ZHX3: variants seen among roughly 807,000 people sequenced by gnomAD.
ZHX3 encodes the protein zinc fingers and homeoboxes 3.
Under a neutral mutation model 64.5 loss-of-function variants are expected in ZHX3, and 20 were observed. The ratio of observed to expected loss-of-function variants is 0.31; its 90% CI spans 0.22 to 0.45. The LOEUF (loss-of-function observed/expected upper bound fraction) is 0.45. Ranked by LOEUF, ZHX3 falls within the 20% of genes least tolerant of loss-of-function variation. The pLI, the probability that ZHX3 is intolerant of heterozygous loss-of-function variation, is 1.00. For synonymous variants in ZHX3, 423 were observed against 461.6 expected, an observed-to-expected ratio of 0.92 and a Z score of 1.07; for missense variants, 1,041 against 1,195.8, an observed-to-expected ratio of 0.87 and a Z score of 1.91.
At chr20:41,290,807 G>GTC (rs1219105653) in intron 1 of ZHX3, among the ~76,000 whole-genome samples, 2 of 152,144 alleles carry the variant, frequency 1.3e-5, no homozygotes, top group Non-Finnish European at 2.9e-5. Flanking sequence ...CAGCTTCAAG[G>GTC]TCTAAATGAT....
chr20:41,235,912 C>T (rs1303505155), intron 2 of ZHX3, among the ~76,000 whole-genome samples: 1 of 152,190 alleles, frequency 6.6e-6, no homozygotes, highest in Non-Finnish European at 1.5e-5. Flanking sequence ...TGATAAGCAA[C>T]TTCAGCAAAG....
chr20:41,298,583 G>C (rs146833419), intron 1 of ZHX3, among the ~76,000 whole-genome samples: 2 of 152,342 alleles, frequency 1.3e-5, no homozygotes, highest in African/African-American at 4.8e-5. Flanking sequence ...ATGCTAGTAA[G>C]ATCACTGAGC....
chr20:41,261,245 T>A (rs1434451001), intron 2 of ZHX3, among the ~76,000 whole-genome samples: 1 of 152,136 alleles, frequency 6.6e-6, no homozygotes, highest in Non-Finnish European at 1.5e-5. Context: ...TAGAGTTATT[T>A]TTTATTTTTT....
At chr20:41,287,204 T>C (rs1362019922) in intron 1 of ZHX3, among the ~76,000 whole-genome samples, 3 of 152,300 alleles carry the variant, frequency 2.0e-5, no homozygotes, top group Non-Finnish European at 2.9e-5. Flanking sequence ...GTTCCCTTTA[T>C]CTTCCTCAGA....
Position 41,183,793 on chromosome 20 carries a change from A to C in ZHX3, c.*1398T>G, listed in dbSNP as rs1190108593. On this transcript the variant is annotated 3_prime_UTR_variant, in exon 4 of 4. Transcript: ENST00000683867. This position sits in a 1 kb window ranked among gnomAD's most constrained non-coding sequence, Gnocchi z 5.3. Reference sequence around the variant, plus strand: ...CTCTTTACCAGCTACTCTCAGAGCAACCGGTCTTGGGGAAATTGAGGATTT... The same window carrying C: ...CTCTTTACCAGCTACTCTCAGAGCACCCGGTCTTGGGGAAATTGAGGATTT... The C allele has an allele frequency of 6.6e-6, 1 of 152,182 alleles. No homozygotes were observed. Among genetic ancestry groups the C allele is most frequent in the East Asian group, 1.9e-4 (1 of 5,192 alleles). The allele number at this position is 152,182 out of a possible 1,614,324, so 9.4% of individuals were successfully genotyped here.
At chr20:41,235,618 A>G (rs1267788930) in intron 2 of ZHX3, among the ~76,000 whole-genome samples, 1 of 152,252 alleles carries the variant, frequency 6.6e-6, no homozygotes, top group African/African-American at 2.4e-5. Flanking sequence ...GATGGGACGT[A>G]TCTCAAAATA....
In ZHX3 at chr20:41,280,718, A is replaced by G. The variant is rs150300385; in HGVS notation, c.-244-11635T>C. ...AGGCGTGAGCCACTGCACCAGGCCA[A>G]AAAAATTTCTTAATCCTTCAACAGA... On this transcript the variant is annotated intron_variant, in intron 1 of 3. Coordinates refer to ENST00000683867, the MANE Select transcript of ZHX3 (RefSeq NM_001384317.1). Among the ~76,000 whole-genome samples the G allele has an allele frequency of 9.8e-5, 15 of 152,288 alleles. No homozygotes were observed. In the East Asian group the frequency reaches 2.5e-3, roughly 26 times the overall value.
intron 1 of ZHX3, among the ~76,000 whole-genome samples, chr20:41,303,670 T>C (rs1791760306): frequency 6.6e-6 from 1 of 152,196 alleles, no homozygotes; most frequent in African/African-American, 2.4e-5. Context: ...GGCCATCTCC[T>C]GTGCATGCCC....
Position 41,252,776 on chromosome 20 carries a change from CT to C in ZHX3, c.-151+16213del, listed in dbSNP as rs533845229. ...ATAGAAGGCAGATTTCTAAGGTCCC[CT>C]ATTAGAGGTTTATAATTCTTTTATA... is the stretch of plus-strand genomic sequence containing the variant. On this transcript the variant is annotated intron_variant, in intron 2 of 3. Coordinates refer to ENST00000683867, the MANE Select transcript of ZHX3 (RefSeq NM_001384317.1). Among the ~76,000 whole-genome samples the C allele has an allele frequency of 2.6e-3, 394 of 152,174 alleles. 3 individuals carry two copies. The highest frequency in any genetic ancestry group is 8.9e-3 in the African/African-American group (369 of 41,520).
chr20:41,213,106 G>A (rs997996832), intron 2 of ZHX3, among the ~76,000 whole-genome samples: 8 of 152,146 alleles, frequency 5.3e-5, no homozygotes, highest in African/African-American at 1.9e-4. Flanking sequence ...AGACACAAAT[G>A]TCACATACTG....
In ZHX3 at chr20:41,181,229, A is replaced by G. The variant is rs953121141; in HGVS notation, c.*3962T>C. ...TGGCTTTGCCCTGGAAGACTTGACT[A>G]TGTGGGCCTTCATGTGTCTAGAGGA... On this transcript the variant is annotated 3_prime_UTR_variant, in exon 4 of 4. Transcript: ENST00000683867. 6.6e-6 allele frequency: 1 copy of G among 152,202 alleles called. No homozygotes were observed. Among genetic ancestry groups the G allele is most frequent in the Non-Finnish European group, 1.5e-5 (1 of 68,058 alleles). 9.4% of individuals were successfully genotyped at this position (152,202 alleles called of 1,614,324 possible).
rs542372480 is a variant in ZHX3 at position 41,311,576 on chromosome 20, C to A, written c.-245+5933G>T. Among the ~76,000 whole-genome samples, 3 of 152,330 alleles carry A rather than the reference C, an allele frequency of 2.0e-5. No individual in the cohort carries two copies. The South Asian group carries it at 6.2e-4, about 32-fold the overall frequency. On this transcript the variant is annotated intron_variant, in intron 1 of 3. Transcript: ENST00000683867. ...GAGAAACCATCAGGGATTAATATTGCAGCATATTTCATATTCATTCATTCC... is the reference window on the plus strand; with the variant it reads ...GAGAAACCATCAGGGATTAATATTGAAGCATATTTCATATTCATTCATTCC...
At chr20:41,307,987 C>G (rs900879877) in intron 1 of ZHX3, among the ~76,000 whole-genome samples, 2 of 152,164 alleles carry the variant, frequency 1.3e-5, no homozygotes, top group African/African-American at 2.4e-5. Flanking sequence ...AATACAAACA[C>G]TTCACAAGAT....
At position 41,204,832 on chromosome 20, in the gene ZHX3, G is replaced by T; in HGVS notation, c.85C>A (p.Pro29Thr). 1.2e-6 allele frequency: 2 copies of T among 1,604,892 alleles called. No homozygotes were observed. The highest frequency in any genetic ancestry group is 8.5e-7 in the Non-Finnish European group (1 of 1,174,844). ...GGTCCTTCAGGCAAGGTCTCAGCGG[G>T]CTGGGCCTCCATGCTGGCATCTTGC... ...VLQDASMEAQ[P>T]AETLPEGPQQ... Residue 29 changes from proline (P) to threonine (T), a missense_variant, in exon 3 of 4, where the codon CCC (proline) becomes ACC (threonine). This residue lies in a region of ZHX3 where 358 missense variants were observed against 369.1 expected (regional missense o/e 0.97). Coordinates refer to ENST00000683867, the MANE Select transcript of ZHX3 (RefSeq NM_001384317.1). The surrounding 1 kb of genome is among the most constrained non-coding windows in gnomAD (Gnocchi z 6.6).
At chr20:41,243,746 C>A (rs1423739229) in intron 2 of ZHX3, among the ~76,000 whole-genome samples, 3 of 152,062 alleles carry the variant, frequency 2.0e-5, no homozygotes, top group Non-Finnish European at 2.9e-5. Context: ...ACTCTACTCT[C>A]AAAGGAGAAA....
chr20:41,242,218 C>A (rs112365602), intron 2 of ZHX3, among the ~76,000 whole-genome samples: 2,111 of 152,284 alleles, frequency 0.014, 22 homozygotes, highest in South Asian at 0.041. Flanking sequence ...TTGATCCTCA[C>A]AATAACCCTA....
intron 1 of ZHX3, among the ~76,000 whole-genome samples, chr20:41,278,880 C>T (rs2043524388): frequency 6.7e-6 from 1 of 150,016 alleles, no homozygotes; most frequent in East Asian, 2.0e-4. Flanking sequence ...TCATGCCATT[C>T]TCCTGCCTCA....
chr20:41,224,673 G>T lies in ZHX3; in HGVS notation c.-150-19607C>A, dbSNP rs1356210832. Among the ~76,000 whole-genome samples the T allele has an allele frequency of 6.6e-6, 1 of 152,206 alleles. No individual in the cohort carries two copies. The highest frequency in any genetic ancestry group is 1.5e-5 in the Non-Finnish European group (1 of 68,032). On this transcript the variant is annotated intron_variant, in intron 2 of 3. Coordinates refer to ENST00000683867, the MANE Select transcript of ZHX3 (RefSeq NM_001384317.1). The surrounding 1 kb of genome is among the most constrained non-coding windows in gnomAD (Gnocchi z 5.2). The stretch of plus-strand genomic sequence containing the variant: ...CACTGCTAGAATTAAGGAGGATTAG[G>T]ATTCTTTCATCACAAGGCCATTTGG...
intron 2 of ZHX3, among the ~76,000 whole-genome samples, chr20:41,255,308 T>C (rs998488966): frequency 6.6e-6 from 1 of 152,032 alleles, no homozygotes; most frequent in Non-Finnish European, 1.5e-5. Flanking sequence ...CCCGCCACCA[T>C]GCCCAGCTAA....
Sources: allele counts gnomAD v4.1 joint callset (sites outside exome capture counted in the v4.1 genomes callset), GRCh38; gene constraint gnomAD v4.1.1; regional missense constraint gnomAD v4.1.1; non-coding constraint Gnocchi (gnomAD v3.1); transcripts MANE v1.5; gene names NCBI Gene and HGNC (gene_info 2026-07-23, HGNC 2026-07-21).